Variants in CDH3 observed in about 807,000 individuals in gnomAD.
The protein encoded by CDH3 is cadherin 3, also known as cadherin-3.
A neutral mutation model predicts 82.0 loss-of-function variants in CDH3; 54 were observed. The observed-to-expected ratio is 0.66, with a 90% CI of 0.53 to 0.83. The LOEUF (loss-of-function observed/expected upper bound fraction) is 0.83. Among genes scored for constraint, CDH3 ranks in the 40% least tolerant of loss-of-function variants. The pLI, the probability that CDH3 is intolerant of heterozygous loss-of-function variation, is 0.00. For missense variants in CDH3, 1,054 were observed against 1,084.6 expected, an observed-to-expected ratio of 0.97 and a Z score of 0.40; for synonymous variants, 446 against 437.9, an observed-to-expected ratio of 1.02 and a Z score of -0.23.
At chr16:68,679,724 GAAAAA>G (rs1961154832) in intron 6 of CDH3, 70 bp from the exon 7 acceptor site, 1 of 551,320 alleles carries the variant, frequency 1.8e-6, no homozygotes, top group Non-Finnish European at 3.0e-6. Flanking sequence ...AAAAAGAAAA[GAAAAA>G]AAGAGTTCCA....
intron 2 of CDH3, chr16:68,651,038 C>T (rs1597789023): frequency 2.5e-6 from 1 of 407,656 alleles, no homozygotes; most frequent in Non-Finnish European, 4.3e-6. Context: ...TAGTAGCTGG[C>T]CTCCTCCTGG....
intron 2 of CDH3, among the ~76,000 whole-genome samples, chr16:68,724,362 T>A (rs936508957): frequency 6.6e-6 from 1 of 152,024 alleles, no homozygotes; most frequent in Non-Finnish European, 1.5e-5. Context: ...CTCACACCTG[T>A]AATCCCACCA....
At chr16:68,651,368 A>C (rs1480015422) in intron 2 of CDH3, 1 of 545,762 alleles carries the variant, frequency 1.8e-6, no homozygotes. Context: ...GGGGCAGGAT[A>C]TGGTTCTTGG....
chr16:68,727,834 G>A (rs940077611), downstream of CDH3, among the ~76,000 whole-genome samples: 12 of 151,944 alleles, frequency 7.9e-5, no homozygotes, highest in African/African-American at 2.2e-4. Flanking sequence ...GCTTGAAATC[G>A]GAAGGCAGAG....
At chr16:68,660,464 C>T (rs1960533605) in intron 2 of CDH3, among the ~76,000 whole-genome samples, 1 of 152,090 alleles carries the variant, frequency 6.6e-6, no homozygotes, top group African/African-American at 2.4e-5. Flanking sequence ...ATTTTTTTCT[C>T]AAGTTTTTCT....
intron 2 of CDH3, among the ~76,000 whole-genome samples, chr16:68,725,152 G>A (rs1962205590): frequency 6.6e-6 from 1 of 152,168 alleles, no homozygotes; most frequent in Non-Finnish European, 1.5e-5. Flanking sequence ...GTCAGCCACA[G>A]GGCTCCATGA....
At chr16:68,703,871 T>C (rs1263315134), downstream of CDH3, among the ~76,000 whole-genome samples, 1 of 150,426 alleles carries the variant, frequency 6.6e-6, no homozygotes, top group Non-Finnish European at 1.5e-5. Context: ...CTCTTGAACC[T>C]GGGAGGCAGA....
At chr16:68,662,194 C>G (rs977049489) in intron 2 of CDH3, among the ~76,000 whole-genome samples, 4 of 152,178 alleles carry the variant, frequency 2.6e-5, no homozygotes, top group African/African-American at 9.7e-5. Flanking sequence ...CAAGGAGACA[C>G]TGTTCCAGAC....
Position 68,695,305 on chromosome 16 carries a change from G to GA in CDH3, c.2054dup (p.Pro686AlafsTer8). 1 of 1,614,076 alleles carries GA rather than the reference G, an allele frequency of 6.2e-7. No individual in the cohort carries two copies. Among genetic ancestry groups the GA allele is most frequent in the Non-Finnish European group, 8.5e-7 (1 of 1,180,010 alleles). ...GGTGAGAAAGAAGCGGAAGATCAAG[G>GA]AGCCCCTCCTACTCCCAGAAGATGA... On this transcript the variant is annotated frameshift_variant, in exon 14 of 16. Coordinates refer to ENST00000264012, the MANE Select transcript of CDH3 (RefSeq NM_001793.6). LOFTEE classifies it high-confidence loss of function.
rs549502010 is a variant in CDH3 at position 68,662,781 on chromosome 16, C to G, written c.161-13604C>G. Among the ~76,000 whole-genome samples the G allele has an allele frequency of 1.8e-3, 277 of 150,738 alleles. 1 individual carries two copies. Among genetic ancestry groups the G allele is most frequent in the Middle Eastern group, 3.4e-3 (1 of 290 alleles). ...CAGGATGGTCTCGATCTCCTGACCT[C>G]GTGATCCACCTGCCTCAGCCTCCCA... On this transcript the variant is annotated intron_variant, in intron 2 of 15. Transcript: ENST00000264012.
intron 2 of CDH3, among the ~76,000 whole-genome samples, chr16:68,646,505 C>A (rs1046465908): frequency 1.4e-5 from 2 of 139,748 alleles, no homozygotes; most frequent in African/African-American, 5.4e-5. Flanking sequence ...TACTCCTACC[C>A]CCCCCCTCCC....
chr16:68,720,952 G>C (rs1220196229), intron 1 of CDH3, among the ~76,000 whole-genome samples: 1 of 151,966 alleles, frequency 6.6e-6, no homozygotes, highest in Non-Finnish European at 1.5e-5. Context: ...TAAGCACTTT[G>C]CAGGTATTAG....
At chr16:68,663,620 C>T (rs16958257) in intron 2 of CDH3, among the ~76,000 whole-genome samples, 88,784 of 151,534 alleles carry the variant, frequency 0.59, 26,193 homozygotes, top group East Asian at 0.63. Flanking sequence ...ATTTTTGCAC[C>T]CATTTATACT....
intron 1 of CDH3, 85 bp from the exon 2 acceptor site, chr16:68,645,551 G>T: frequency 1.4e-6 from 2 of 1,446,980 alleles, no homozygotes; most frequent in Non-Finnish European, 1.9e-6. Flanking sequence ...AGTCCCGGAA[G>T]GCCCGTGAGG....
At chr16:68,672,230 A>C (rs1456969007) in intron 2 of CDH3, among the ~76,000 whole-genome samples, 1 of 147,962 alleles carries the variant, frequency 6.8e-6, no homozygotes, top group Non-Finnish European at 1.5e-5. Flanking sequence ...TAAAAAAAAA[A>C]GAAAATAAGT....
At chr16:68,667,971 A>G (rs918673256) in intron 2 of CDH3, among the ~76,000 whole-genome samples, 5 of 152,180 alleles carry the variant, frequency 3.3e-5, no homozygotes, top group African/African-American at 1.2e-4. Flanking sequence ...GCCTCAGGTT[A>G]CTGATTCCCT....
At chr16:68,645,490 G>A (rs1250649324) in intron 1 of CDH3, 66 bp downstream of exon 1, 3 of 1,563,294 alleles carry the variant, frequency 1.9e-6, no homozygotes, top group Admixed American at 1.7e-5. Flanking sequence ...GGGTCCGCAT[G>A]GGGCAGTGGC....
intron 2 of CDH3, among the ~76,000 whole-genome samples, chr16:68,724,952 C>G (rs527323648): frequency 6.6e-6 from 1 of 152,232 alleles, no homozygotes; most frequent in South Asian, 2.1e-4. Flanking sequence ...GTTTATCTCT[C>G]CGTCCCAAGT....
At chr16:68,693,019 A>C (rs1961617360) in intron 13 of CDH3, among the ~76,000 whole-genome samples, 1 of 152,176 alleles carries the variant, frequency 6.6e-6, no homozygotes. Flanking sequence ...CAGGAGAATC[A>C]CTTGAACCCA....
Sources: gnomAD v4.1 joint callset for allele counts (sites outside exome capture counted in the v4.1 genomes callset) on GRCh38, gnomAD v4.1.1 for gene constraint, MANE v1.5 for transcripts, NCBI Gene and HGNC (gene_info 2026-07-23, HGNC 2026-07-21) for gene names.